Variants in TMEFF2 observed in about 807,000 individuals in gnomAD.
TMEFF2 encodes the protein tomoregulin-2.
TMEFF2 carries 28 observed loss-of-function variants against 53.8 expected under a neutral mutation model. The observed-to-expected ratio is 0.52, with a 90% CI of 0.39 to 0.71. TMEFF2 has a LOEUF of 0.71. Ranked by LOEUF, TMEFF2 falls within the 30% of genes least tolerant of loss-of-function variation. The probability of loss-of-function intolerance (pLI) is 0.00; values close to 1 mark genes in which losing one functional copy is unlikely to be tolerated. For missense variants in TMEFF2, 353 were observed against 455.2 expected (o/e 0.78, Z 2.04); for synonymous variants, 162 against 166.3 (o/e 0.97, Z 0.20).
intron 4 of TMEFF2, among the ~76,000 whole-genome samples, chr2:192,152,197 G>T (rs1170901747): frequency 1.3e-5 from 2 of 151,864 alleles, no homozygotes; most frequent in African/African-American, 4.8e-5. Flanking sequence ...AACAACACTG[G>T]TGTGACTGTG....
intron 5 of TMEFF2, among the ~76,000 whole-genome samples, chr2:192,006,315 C>G (rs1686500467): frequency 6.6e-6 from 1 of 152,074 alleles, no homozygotes; most frequent in Admixed American, 6.6e-5. Context: ...CAGAAATAGA[C>G]TAGGACAACA....
intron 7 of TMEFF2, among the ~76,000 whole-genome samples, chr2:191,961,457 C>G (rs184288941): frequency 1.3e-5 from 2 of 152,108 alleles, no homozygotes; most frequent in African/African-American, 4.8e-5. Context: ...GAGGGAAACT[C>G]CAGTATTGAA....
intron 4 of TMEFF2, among the ~76,000 whole-genome samples, chr2:192,081,260 T>C (rs1688546175): frequency 6.6e-6 from 1 of 152,248 alleles, no homozygotes; most frequent in African/African-American, 2.4e-5. Flanking sequence ...AAGATTTCTC[T>C]GAAAAATTTG....
At chr2:192,016,493 C>G (rs1686748130) in intron 5 of TMEFF2, among the ~76,000 whole-genome samples, 1 of 152,214 alleles carries the variant, frequency 6.6e-6, no homozygotes. Context: ...CTGTGAGACA[C>G]TAATACTGAC....
intron 5 of TMEFF2, among the ~76,000 whole-genome samples, chr2:192,020,083 C>T (rs1686827934): frequency 6.6e-6 from 1 of 151,986 alleles, no homozygotes; most frequent in Non-Finnish European, 1.5e-5. Context: ...TTTCCAGGCT[C>T]TGAGGAAAAC....
chr2:192,140,894 T>G (rs1159434280), intron 4 of TMEFF2, among the ~76,000 whole-genome samples: 1 of 152,214 alleles, frequency 6.6e-6, no homozygotes, highest in African/African-American at 2.4e-5. Context: ...GGCAGGAAGC[T>G]GGTCAATGGC....
At chr2:192,102,626 C>CTTTTTTTTTTTTTT (rs10635775) in intron 4 of TMEFF2, among the ~76,000 whole-genome samples, 14 of 109,838 alleles carry the variant, frequency 1.3e-4, no homozygotes, top group African/African-American at 1.4e-4. Flanking sequence ...TTTTCTTGTT[C>CTTTTTTTTTTTTTT]TTTTTTTTTT....
At chr2:192,097,728 G>T (rs115766023) in intron 4 of TMEFF2, among the ~76,000 whole-genome samples, 10 of 152,074 alleles carry the variant, frequency 6.6e-5, no homozygotes, top group Non-Finnish European at 1.5e-4. Context: ...ATTTATTAAG[G>T]TCTTTATATT....
chr2:192,080,256 G>A (rs563881864), intron 4 of TMEFF2, among the ~76,000 whole-genome samples: 2 of 152,158 alleles, frequency 1.3e-5, no homozygotes, highest in Non-Finnish European at 2.9e-5. Context: ...ATCCCCACGT[G>A]TCAAGGGAGA....
chr2:191,998,418 T>G, intron 6 of TMEFF2, 97 bp from the exon 7 acceptor site: 8 of 854,518 alleles, frequency 9.4e-6, no homozygotes, highest in Admixed American at 2.9e-5. Context: ...TCATTGCAAT[T>G]AAGGAATTTT....
At chr2:192,179,722 G>T in intron 3 of TMEFF2, 28 bp from the exon 4 acceptor site, 1 of 1,516,828 alleles carries the variant, frequency 6.6e-7, no homozygotes, top group South Asian at 1.4e-5. Flanking sequence ...ATATTTGCTA[G>T]TAAAACATAT....
At chr2:192,026,521 T>G (rs1376190973) in intron 5 of TMEFF2, among the ~76,000 whole-genome samples, 1 of 152,188 alleles carries the variant, frequency 6.6e-6, no homozygotes, top group Admixed American at 6.5e-5. Flanking sequence ...TTTTACTTGT[T>G]GAAATTAGCA....
chr2:191,968,636 GAT>G (rs1054377078), intron 7 of TMEFF2, among the ~76,000 whole-genome samples: 1 of 152,140 alleles, frequency 6.6e-6, no homozygotes, highest in Non-Finnish European at 1.5e-5. Context: ...ATAAATTTGG[GAT>G]AGAGTGGATT....
intron 7 of TMEFF2, among the ~76,000 whole-genome samples, chr2:191,971,461 G>T (rs1424886156): frequency 2.6e-5 from 4 of 152,218 alleles, no homozygotes; most frequent in Admixed American, 6.5e-5. Flanking sequence ...GGTATGTTCA[G>T]AGTTGGGAGC....
chr2:191,967,036 GAAAA>G (rs57878864), intron 7 of TMEFF2, among the ~76,000 whole-genome samples: 5 of 141,298 alleles, frequency 3.5e-5, no homozygotes, highest in Non-Finnish European at 6.2e-5. Context: ...GAACTTCTGA[GAAAA>G]AAAAAAAGGA....
Position 192,150,695 on chromosome 2 carries a change from G to GTTT in TMEFF2, c.439+28970_439+28972dup, listed in dbSNP as rs11375610. 3.1e-4 allele frequency among the ~76,000 whole-genome samples: 45 copies of GTTT among 143,716 alleles called. 2 individuals are homozygous for GTTT. The highest frequency in any genetic ancestry group is 2.4e-3 in the South Asian group (11 of 4,534). 94.3% of individuals were successfully genotyped at this position (143,716 alleles called of 152,430 possible). On this transcript the variant is annotated intron_variant, in intron 4 of 9. Transcript: ENST00000272771. ...TAGGTCCAAGCAGAGGACACTTCATGTTTTTTTTTTTTTTTACATTCAGTT... is the reference window on the plus strand; with the variant it reads ...TAGGTCCAAGCAGAGGACACTTCATGTTTTTTTTTTTTTTTTTTACATTCAGTT...
At chr2:192,163,004 A>G (rs966075951) in intron 4 of TMEFF2, among the ~76,000 whole-genome samples, 1 of 152,142 alleles carries the variant, frequency 6.6e-6, no homozygotes, top group Non-Finnish European at 1.5e-5. Flanking sequence ...CCCAAATACC[A>G]CATATGAAAA....
chr2:192,084,341 T>G (rs1359125152), intron 4 of TMEFF2, among the ~76,000 whole-genome samples: 1 of 152,184 alleles, frequency 6.6e-6, no homozygotes, highest in Non-Finnish European at 1.5e-5. Context: ...AATTATAACT[T>G]CCTTGAGAGA....
In TMEFF2 at chr2:192,194,242, G is replaced by T; in HGVS notation, c.172+111C>A. Reference sequence around the variant, plus strand: ...GAGGTGGGTGGTATTAGGGGTCTAGGGCAGTAGGAGGTGAGGGGCTGAGGA... The same window carrying T: ...GAGGTGGGTGGTATTAGGGGTCTAGTGCAGTAGGAGGTGAGGGGCTGAGGA... On this transcript the variant is annotated intron_variant, in intron 1 of 9. Coordinates refer to ENST00000272771, the MANE Select transcript of TMEFF2 (RefSeq NM_016192.4). The surrounding 1 kb of genome is among the most constrained non-coding windows in gnomAD (Gnocchi z 4.2). 2.3e-6 allele frequency: 3 copies of T among 1,286,290 alleles called. No homozygotes were observed. The highest frequency in any genetic ancestry group is 2.9e-5 in the African/African-American group (2 of 68,352). The allele number at this position is 1,286,290 out of a possible 1,614,324, so 79.7% of individuals were successfully genotyped here. A position where few individuals can be genotyped will look rare whatever the true frequency, so the allele number is the denominator to read the frequency against.
Sources: allele counts gnomAD v4.1 joint callset (sites outside exome capture counted in the v4.1 genomes callset), GRCh38; gene constraint gnomAD v4.1.1; non-coding constraint Gnocchi (gnomAD v3.1); transcripts MANE v1.5; gene names NCBI Gene and HGNC (gene_info 2026-07-23, HGNC 2026-07-21).